The following FGGY variants were observed in gnomAD, a reference collection of about 807,000 sequenced individuals.
FGGY encodes FGGY carbohydrate kinase domain-containing protein.
Under a neutral mutation model 71.3 loss-of-function variants are expected in FGGY, and 72 were observed. That is an observed-to-expected ratio of 1.01 (90% CI 0.84 to 1.23). The LOEUF is 1.23. Ranked by LOEUF, FGGY falls within the 50% of genes most tolerant of loss-of-function variation. The pLI, the probability that FGGY is intolerant of heterozygous loss-of-function variation, is 0.00. For synonymous variants in FGGY, 251 were observed against 250.3 expected, an observed-to-expected ratio of 1.00 and a Z score of -0.02; for missense variants, 668 against 682.3, an observed-to-expected ratio of 0.98 and a Z score of 0.23.
In FGGY at chr1:59,610,823, G is replaced by A. The variant is rs539928332; in HGVS notation, c.1011+2913G>A. 9.8e-5 allele frequency among the ~76,000 whole-genome samples: 15 copies of A among 152,348 alleles called. No homozygotes were observed. In the South Asian group the frequency reaches 1.9e-3, roughly 19 times the overall value. On this transcript the variant is annotated intron_variant, in intron 9 of 15. Coordinates refer to ENST00000303721, the MANE Select transcript of FGGY (RefSeq NM_018291.5). Reference sequence around the variant, plus strand: ...TGGGTCACTCCCACACGGCTACTGCGCTTTTACAATGGTCTTAGCAAACGG... The same window carrying A: ...TGGGTCACTCCCACACGGCTACTGCACTTTTACAATGGTCTTAGCAAACGG...
At chr1:59,440,012 C>A (rs1320909522) in intron 5 of FGGY, among the ~76,000 whole-genome samples, 1 of 149,766 alleles carries the variant, frequency 6.7e-6, no homozygotes, top group Non-Finnish European at 1.5e-5. Flanking sequence ...TAAAGCCTGC[C>A]ATCAACCATT....
intron 14 of FGGY, among the ~76,000 whole-genome samples, chr1:59,745,602 C>T (rs890460835): frequency 2.0e-5 from 3 of 152,188 alleles, no homozygotes; most frequent in South Asian, 2.1e-4. Flanking sequence ...CTCCCATTGG[C>T]CTGCTCCTTC....
In FGGY at chr1:59,457,070, A is replaced by C; in HGVS notation, c.664A>C (p.Lys222Gln). ...LEDFVADNYS[K>Q]IGNQVLPPGA... Reference sequence around the variant, plus strand: ...AGACTTTGTTGCAGATAATTACAGCAAAATAGGTAAAAGAATAAAACATCT... The same window carrying C: ...AGACTTTGTTGCAGATAATTACAGCCAAATAGGTAAAAGAATAAAACATCT... The change falls in exon 6 of 16, where the codon AAA (lysine) becomes CAA (glutamine). Residue 222 changes from lysine to glutamine, a missense_variant. Physicochemically the swap from Lys to Gln is moderately conservative, Grantham distance 53. Transcript: ENST00000303721. 1 of 1,605,312 alleles carries C rather than the reference A, an allele frequency of 6.2e-7. No homozygotes were observed. The highest frequency in any genetic ancestry group is 8.5e-7 in the Non-Finnish European group (1 of 1,172,018).
At chr1:59,707,679 A>T (rs1276280459) in intron 14 of FGGY, among the ~76,000 whole-genome samples, 2 of 152,164 alleles carry the variant, frequency 1.3e-5, no homozygotes, top group Non-Finnish European at 2.9e-5. Flanking sequence ...CATGCATGAA[A>T]ATGGCTGAGT....
chr1:59,315,172 C>T (rs1029109681), intron 1 of FGGY, among the ~76,000 whole-genome samples: 1 of 152,156 alleles, frequency 6.6e-6, no homozygotes, highest in Non-Finnish European at 1.5e-5. Flanking sequence ...TGAGAACTGA[C>T]ATTTTCATAA....
At chr1:59,654,427 C>T (rs558032591) in intron 11 of FGGY, among the ~76,000 whole-genome samples, 1 of 152,174 alleles carries the variant, frequency 6.6e-6, no homozygotes, top group Admixed American at 6.5e-5. Flanking sequence ...TTCCCCTGAG[C>T]CTTGGATACC....
At chr1:59,354,129 G>GT (rs1233963003) in intron 4 of FGGY, among the ~76,000 whole-genome samples, 1 of 152,062 alleles carries the variant, frequency 6.6e-6, no homozygotes, top group Non-Finnish European at 1.5e-5. Flanking sequence ...CCAGGTTGGA[G>GT]TACAGTAGCA....
chr1:59,321,330 AG>A (rs1293083340), intron 1 of FGGY, among the ~76,000 whole-genome samples: 13 of 152,198 alleles, frequency 8.5e-5, no homozygotes, highest in African/African-American at 3.1e-4. Context: ...GCCATGTCTG[AG>A]GCCATATCTG....
intron 5 of FGGY, among the ~76,000 whole-genome samples, chr1:59,425,641 G>A (rs1444818228): frequency 1.3e-5 from 2 of 152,314 alleles, no homozygotes; most frequent in East Asian, 3.9e-4. Flanking sequence ...CTCATTCATG[G>A]TCATGATTCT....
At chr1:59,705,911 C>T (rs930419062) in intron 14 of FGGY, among the ~76,000 whole-genome samples, 2 of 152,132 alleles carry the variant, frequency 1.3e-5, no homozygotes, top group African/African-American at 4.8e-5. Context: ...ATTTTTGTAG[C>T]CAAATGGTGG....
chr1:59,746,323 T>A (rs548494147), intron 14 of FGGY, among the ~76,000 whole-genome samples: 1 of 152,302 alleles, frequency 6.6e-6, no homozygotes, highest in East Asian at 1.9e-4. Context: ...ATGACTGTTA[T>A]CACCTTCCCC....
At chr1:59,561,400 C>A (rs537767983) in intron 8 of FGGY, among the ~76,000 whole-genome samples, 1 of 152,236 alleles carries the variant, frequency 6.6e-6, no homozygotes, top group South Asian at 2.1e-4. Flanking sequence ...GGCATTGATT[C>A]GGCGAGGAGA....
At chr1:59,562,170 G>A (rs1215671239) in intron 8 of FGGY, among the ~76,000 whole-genome samples, 1 of 152,130 alleles carries the variant, frequency 6.6e-6, no homozygotes, top group African/African-American at 2.4e-5. Context: ...ACAAAAATTT[G>A]TACAGTAATG....
intron 6 of FGGY, among the ~76,000 whole-genome samples, chr1:59,481,552 G>A (rs565930615): frequency 3.9e-5 from 6 of 152,092 alleles, no homozygotes; most frequent in South Asian, 4.1e-4. Context: ...TATAAAAAAC[G>A]TGGAAACCAA....
Position 59,731,862 on chromosome 1 carries a change from GCT to G in FGGY, c.1513-26064_1513-26063del, listed in dbSNP as rs1204338132. On this transcript the variant is annotated intron_variant, in intron 14 of 15. Transcript: ENST00000303721. ...TCCCCTGCTCCGAATCCCTGTTTAA[GCT>G]CTCTTCCCAATGCCCTGTTTATCCT... Among the ~76,000 whole-genome samples, 10 of 152,064 alleles carry G rather than the reference GCT, an allele frequency of 6.6e-5. 1 individual carries two copies. Among genetic ancestry groups the G allele is most frequent in the Admixed American group, 6.5e-4 (10 of 15,276 alleles).
chr1:59,621,529 TTCTC>T lies in FGGY; in HGVS notation c.1012-4455_1012-4452del, dbSNP rs145296832. Reference sequence around the variant, plus strand: ...AGTGCAGGTCAACTGGCAAAAGACATTCTCTCTATTTTTTTTCAATGCATTTATT... The same window carrying T: ...AGTGCAGGTCAACTGGCAAAAGACATTCTATTTTTTTTCAATGCATTTATT... On this transcript the variant is annotated intron_variant, in intron 9 of 15. Transcript: ENST00000303721. 7.6e-3 allele frequency among the ~76,000 whole-genome samples: 1,145 copies of T among 150,084 alleles called. 17 individuals are homozygous for T. The highest frequency in any genetic ancestry group is 0.027 in the African/African-American group (1,093 of 41,040).
chr1:59,522,652 A>C (rs2153650422), intron 7 of FGGY, among the ~76,000 whole-genome samples: 1 of 152,310 alleles, frequency 6.6e-6, no homozygotes, highest in South Asian at 2.1e-4. Context: ...ATTAATCTTA[A>C]TCTTTTTGTA....
chr1:59,536,360 C>G (rs1231193412), intron 7 of FGGY, among the ~76,000 whole-genome samples: 1 of 152,134 alleles, frequency 6.6e-6, no homozygotes, highest in African/African-American at 2.4e-5. Flanking sequence ...CAAAAAAAGT[C>G]CAGGACCAGA....
intron 8 of FGGY, among the ~76,000 whole-genome samples, chr1:59,563,802 T>G (rs2095833030): frequency 6.6e-6 from 1 of 152,178 alleles, no homozygotes; most frequent in African/African-American, 2.4e-5. Context: ...ACTACAAGGC[T>G]ACAGTAACCA....
Sources: gnomAD v4.1 joint callset for allele counts (sites outside exome capture counted in the v4.1 genomes callset) on GRCh38, gnomAD v4.1.1 for gene constraint, MANE v1.5 for transcripts, NCBI Gene and HGNC (gene_info 2026-07-23, HGNC 2026-07-21) for gene names.